Variants in NCKAP5 observed in about 807,000 individuals in gnomAD.
NCKAP5 encodes the protein NCK associated protein 5.
In NCKAP5, 92 loss-of-function variants were observed where a neutral mutation model predicts 167.0. That is an observed-to-expected ratio of 0.55 (90% CI 0.47 to 0.66). The LOEUF is 0.66. NCKAP5 is among the 30% of genes least tolerant of loss of function. The pLI, the probability that NCKAP5 is intolerant of heterozygous loss-of-function variation, is 0.00. For synonymous variants in NCKAP5, 891 were observed against 877.4 expected (o/e 1.02, Z -0.27); for missense variants, 2,378 against 2,315.0 (o/e 1.03, Z -0.56).
chr2:133,517,082 T>C (rs1292577122), intron 3 of NCKAP5, among the ~76,000 whole-genome samples: 1 of 152,212 alleles, frequency 6.6e-6, no homozygotes, highest in African/African-American at 2.4e-5. Flanking sequence ...TGAACCTGTA[T>C]TGAATTCTTG....
At chr2:133,655,888 C>T in the NCKAP5 span, among the ~76,000 whole-genome samples, 1 of 152,136 alleles carries the variant, frequency 6.6e-6, no homozygotes, top group Non-Finnish European at 1.5e-5. Context: ...TGCCTGTGCA[C>T]TCAAGGCCAG....
At chr2:133,095,645 C>T (rs1280198684) in intron 6 of NCKAP5, among the ~76,000 whole-genome samples, 1 of 152,218 alleles carries the variant, frequency 6.6e-6, no homozygotes, top group African/African-American at 2.4e-5. Flanking sequence ...CCGGGCAACC[C>T]AGACAACTGT....
At chr2:133,112,428 C>T (rs958772285) in intron 6 of NCKAP5, among the ~76,000 whole-genome samples, 1 of 151,774 alleles carries the variant, frequency 6.6e-6, no homozygotes, top group Non-Finnish European at 1.5e-5. Flanking sequence ...GAGCCAAGAT[C>T]GCACCACTGC....
intron 6 of NCKAP5, among the ~76,000 whole-genome samples, chr2:133,076,590 T>C (rs2080611212): frequency 1.3e-5 from 2 of 152,212 alleles, no homozygotes; most frequent in Non-Finnish European, 2.9e-5. Flanking sequence ...ACAGAAATTA[T>C]GGAATTATTT....
intron 5 of NCKAP5, among the ~76,000 whole-genome samples, chr2:133,187,347 T>C (rs2084992239): frequency 6.6e-6 from 1 of 152,168 alleles, no homozygotes; most frequent in Middle Eastern, 3.4e-3. Flanking sequence ...TAAAAATTTA[T>C]TGATACTTGG....
chr2:133,551,202 C>T (rs1350992230), intron 2 of NCKAP5, among the ~76,000 whole-genome samples: 1 of 151,974 alleles, frequency 6.6e-6, no homozygotes, highest in African/African-American at 2.4e-5. Flanking sequence ...CCATCCCCAT[C>T]AAGCTACCAA....
At chr2:132,878,213 A>G (rs1318497022) in intron 9 of NCKAP5, among the ~76,000 whole-genome samples, 1 of 152,114 alleles carries the variant, frequency 6.6e-6, no homozygotes, top group Non-Finnish European at 1.5e-5. Context: ...AAACTCTCAA[A>G]TGCCCATTAT....
At chr2:133,009,030 G>A (rs2078064545) in intron 6 of NCKAP5, among the ~76,000 whole-genome samples, 1 of 152,174 alleles carries the variant, frequency 6.6e-6, no homozygotes, top group Admixed American at 6.5e-5. Context: ...CCACTGGAGT[G>A]TCTCCTTAGT....
chr2:132,764,692 T>C (rs1681298503), intron 16 of NCKAP5, among the ~76,000 whole-genome samples: 1 of 152,210 alleles, frequency 6.6e-6, no homozygotes, highest in African/African-American at 2.4e-5. Context: ...CTATCAAAGT[T>C]ATTGAGAACA....
intron 3 of NCKAP5, among the ~76,000 whole-genome samples, chr2:133,347,718 C>T (rs1216851856): frequency 6.6e-6 from 1 of 152,100 alleles, no homozygotes; most frequent in Admixed American, 6.6e-5. Flanking sequence ...CTGGCCTCCC[C>T]TCTGACCTGT....
intron 6 of NCKAP5, among the ~76,000 whole-genome samples, chr2:133,029,346 C>A (rs1315934176): frequency 1.3e-5 from 2 of 152,034 alleles, no homozygotes; most frequent in African/African-American, 4.8e-5. Context: ...CATTACTGTC[C>A]CCATTTGTAG....
the NCKAP5 span, among the ~76,000 whole-genome samples, chr2:133,640,719 G>A: frequency 6.6e-6 from 1 of 152,130 alleles, no homozygotes; most frequent in Non-Finnish European, 1.5e-5. Context: ...CAGATCTTTT[G>A]ATAAATATTT....
At chr2:132,997,639 C>T (rs1312944957) in intron 6 of NCKAP5, among the ~76,000 whole-genome samples, 1 of 152,048 alleles carries the variant, frequency 6.6e-6, no homozygotes, top group Admixed American at 6.6e-5. Context: ...ACAGCAGCCT[C>T]TTTCTACTTG....
intron 5 of NCKAP5, among the ~76,000 whole-genome samples, chr2:133,173,457 T>C (rs1157122545): frequency 6.6e-6 from 1 of 152,170 alleles, no homozygotes; most frequent in Non-Finnish European, 1.5e-5. Flanking sequence ...TCCTGCTAAG[T>C]CAGTTTAGAC....
rs183961791 is a variant in NCKAP5, at chr2:133,075,276, A to G, written c.341+54702T>C. On this transcript the variant is annotated intron_variant, in intron 6 of 19. Transcript: ENST00000409261. ...TTTAAATCCAGTAAAACTATCTCTC[A>G]GGAATAAATGTAAAATAAAGAGATT... 1.2e-3 allele frequency among the ~76,000 whole-genome samples: 179 copies of G among 152,306 alleles called. 1 individual carries two copies. Among genetic ancestry groups the G allele is most frequent in the African/African-American group, 3.3e-3 (137 of 41,572 alleles).
At chr2:132,817,406 G>C (rs1234497270) in intron 11 of NCKAP5, among the ~76,000 whole-genome samples, 1 of 151,858 alleles carries the variant, frequency 6.6e-6, no homozygotes, top group Non-Finnish European at 1.5e-5. Flanking sequence ...CTACGTAATG[G>C]GACAAGCTAA....
At chr2:132,739,511 T>G (rs1464746668) in intron 16 of NCKAP5, among the ~76,000 whole-genome samples, 2 of 152,164 alleles carry the variant, frequency 1.3e-5, no homozygotes, top group East Asian at 3.9e-4. Context: ...CATAGCTCAT[T>G]TTAAATAAGC....
At chr2:133,098,114 T>C (rs999489540) in intron 6 of NCKAP5, among the ~76,000 whole-genome samples, 2 of 152,186 alleles carry the variant, frequency 1.3e-5, no homozygotes, top group African/African-American at 4.8e-5. Flanking sequence ...CAAAAGTAAA[T>C]GAGAGCTATT....
Position 132,785,002 on chromosome 2 carries a change from G to T in NCKAP5, c.1809C>A (p.Asp603Glu), listed in dbSNP as rs201592269. The T allele has an allele frequency of 1.1e-5, 18 of 1,613,772 alleles. No individual in the cohort carries two copies. Among genetic ancestry groups the T allele is most frequent in the Non-Finnish European group, 1.4e-5 (16 of 1,179,864 alleles). ...IESSDEKSPS[D>E]VSLAADTDKS... is the part of the protein sequence containing the mutation. Reference sequence around the variant, plus strand: ...TATCGGTGTCGGCAGCCAATGACACGTCTGAAGGACTTTTCTCATCACTGC... The same window carrying T: ...TATCGGTGTCGGCAGCCAATGACACTTCTGAAGGACTTTTCTCATCACTGC... The change falls in exon 14 of 20, where the codon GAC becomes GAA. Residue 603 changes from aspartate (D) to glutamate (E), a missense_variant. Physicochemically the swap from Asp to Glu is conservative, Grantham distance 45 (BLOSUM62 2). Around this residue, in one of 3 missense-constraint regions of NCKAP5, gnomAD observed 1,049 missense variants for 1,023.4 expected, o/e 1.02. Transcript: ENST00000409261.
Sources: gnomAD v4.1 joint callset for allele counts (sites outside exome capture counted in the v4.1 genomes callset) on GRCh38, gnomAD v4.1.1 for gene constraint, gnomAD v4.1.1 regional missense constraint, MANE v1.5 for transcripts, NCBI Gene and HGNC (gene_info 2026-07-23, HGNC 2026-07-21) for gene names.